The following HARS1 variants were observed in gnomAD, a reference collection of about 807,000 sequenced individuals.
The protein encoded by HARS1 is histidyl-tRNA synthetase 1.
Under a neutral mutation model 63.6 loss-of-function variants are expected in HARS1, and 45 were observed. The ratio of observed to expected loss-of-function variants is 0.71; its 90% CI spans 0.56 to 0.91. HARS1 has a LOEUF of 0.91. Among genes scored for constraint, HARS1 ranks in the 40% least tolerant of loss-of-function variants. The pLI, the probability that HARS1 is intolerant of heterozygous loss-of-function variation, is 0.00. For synonymous variants in HARS1, 205 were observed against 247.1 expected, an observed-to-expected ratio of 0.83 and a Z score of 1.60; for missense variants, 508 against 643.2, an observed-to-expected ratio of 0.79 and a Z score of 2.27.
At position 140,679,177 on chromosome 5, in the gene HARS1, T is replaced by C. The variant is rs1337937073; in HGVS notation, c.397-50A>G. 1.9e-6 allele frequency: 3 copies of C among 1,598,960 alleles called. No individual in the cohort carries two copies. Among genetic ancestry groups the C allele is most frequent in the Non-Finnish European group, 8.6e-7 (1 of 1,168,800 alleles). ...AGCCCCTCCTATCACTGTCTGCAAG[T>C]TGATTATCATCACCAACAGAAGCTG... On this transcript the variant is annotated intron_variant, in intron 4 of 12. Transcript: ENST00000504156. The surrounding 1 kb of genome is among the most constrained non-coding windows in gnomAD (Gnocchi z 4.3).
At position 140,677,085 on chromosome 5, in the gene HARS1, C is replaced by A; in HGVS notation, c.855G>T (p.Gln285His). ...GCTTGTTTTGGGATAGTTTAGGATC[C>A]TGGAGCAGCTGTTCCACCAGGGATA... ...GGVSLVEQLL[Q>H]DPKLSQNKQA... Residue 285 changes from glutamine to histidine, a missense_variant, in exon 9 of 13, where the codon CAG becomes CAT. By Grantham distance (24) the Gln-to-His change is conservative. This residue lies in a region of HARS1 where 403 missense variants were observed against 548.7 expected (regional missense o/e 0.73). Coordinates refer to ENST00000504156, the MANE Select transcript of HARS1 (RefSeq NM_002109.6). 6.2e-7 allele frequency: 1 copy of A among 1,614,112 alleles called. No individual in the cohort carries two copies. The highest frequency in any genetic ancestry group is 8.5e-7 in the Non-Finnish European group (1 of 1,179,978).
At chr5:140,681,523 C>G (rs2149830672) in intron 3 of HARS1, among the ~76,000 whole-genome samples, 1 of 152,224 alleles carries the variant, frequency 6.6e-6, no homozygotes, top group East Asian at 1.9e-4. Flanking sequence ...GAAAAATTAG[C>G]CAGGTGTGGT....
chr5:140,674,454 A>C, intron 12 of HARS1, 126 bp from the exon 13 acceptor site: 2 of 816,790 alleles, frequency 2.4e-6, no homozygotes, highest in South Asian at 1.5e-5. Context: ...CTAATTAAAC[A>C]CCTCAGGCTA....
At chr5:140,686,466 C>T (rs757299776) in intron 2 of HARS1, among the ~76,000 whole-genome samples, 3 of 152,100 alleles carry the variant, frequency 2.0e-5, no homozygotes, top group East Asian at 1.9e-4. Flanking sequence ...CTCAAACTCC[C>T]GACCTCAGGT....
intron 1 of HARS1, 52 bp from the exon 2 acceptor site, chr5:140,690,996 C>A: frequency 9.1e-7 from 1 of 1,097,968 alleles, no homozygotes; most frequent in East Asian, 2.3e-5. Flanking sequence ...CTCCTCCCTC[C>A]CCCGCCATTC....
rs962526639 is a variant in HARS1 at position 140,690,931 on chromosome 5, A to ACCT, written c.101_103dup (p.Glu34dup). On this transcript the variant is annotated inframe_insertion, in exon 2 of 13. Coordinates refer to ENST00000504156, the MANE Select transcript of HARS1 (RefSeq NM_002109.6). ...TGCCTTCAGTTTCAGGAGTTTCGCC[A>ACCT]CCTCCTCCTCGATCTGTGGAGGGAA... 2 of 1,600,364 alleles carry ACCT rather than the reference A, an allele frequency of 1.2e-6. No individual in the cohort carries two copies. Among genetic ancestry groups the ACCT allele is most frequent in the African/African-American group, 1.3e-5 (1 of 74,504 alleles).
At chr5:140,677,288 G>T in intron 8 of HARS1, 39 bp downstream of exon 8, 1 of 1,507,526 alleles carries the variant, frequency 6.6e-7, no homozygotes. Context: ...ACTGAGGGCA[G>T]TGGGACGGCT....
rs906500515 is a variant in HARS1, at chr5:140,683,195, G to T, written c.205C>A (p.Gln69Lys). 5 of 1,613,712 alleles carry T rather than the reference G, an allele frequency of 3.1e-6. No individual in the cohort carries two copies. In the Admixed American group the frequency reaches 5.0e-5, roughly 16 times the overall value. The change falls in exon 3 of 13, where the codon CAG becomes AAG. Residue 69 changes from glutamine to lysine, a missense_variant. By Grantham distance (53) the Gln-to-Lys change is moderately conservative. Transcript: ENST00000504156. ...AACACCTTCTCGCGAACTGCCATCT[G>T]CCGGGGACTATAGTCTCTTGTGCCC... is the stretch of plus-strand genomic sequence containing the variant. ...PKGTRDYSPRQMAVREKVFDV... is the reference protein window; with the variant it reads ...PKGTRDYSPRKMAVREKVFDV...
At position 140,682,804 on chromosome 5, in the gene HARS1, T is replaced by C. The variant is rs73791750; in HGVS notation, c.300+296A>G. On this transcript the variant is annotated intron_variant, in intron 3 of 12. Transcript: ENST00000504156. ...CATATTTATGTACGTATGGTTTGCA[T>C]GAATCTAGAAAACATTCCAAGTACA... 1,446 of 263,062 alleles carry C rather than the reference T, an allele frequency of 5.5e-3. 15 individuals carry two copies. Among genetic ancestry groups the C allele is most frequent in the African/African-American group, 0.027 (1,233 of 45,608 alleles). 16.3% of individuals were successfully genotyped at this position (263,062 alleles called of 1,614,324 possible).
Position 140,676,572 on chromosome 5 carries a change from C to A in HARS1, c.1194+82G>T. ...GTGAGATGCTCCCTGCCCAAAGCAG[C>A]ACCACTTGCTCCCTTGGAGATCAGA... is the stretch of plus-strand genomic sequence containing the variant. On this transcript the variant is annotated intron_variant, in intron 10 of 12. Transcript: ENST00000504156. This position sits in a 1 kb window ranked among gnomAD's most constrained non-coding sequence, Gnocchi z 4.1. 1 of 1,442,884 alleles carries A rather than the reference C, an allele frequency of 6.9e-7. No individual in the cohort carries two copies. The allele number at this position is 1,442,884 out of a possible 1,614,324, so 89.4% of individuals were successfully genotyped here.
intron 2 of HARS1, among the ~76,000 whole-genome samples, chr5:140,689,949 A>C (rs1477921600): frequency 6.6e-6 from 1 of 152,076 alleles, no homozygotes; most frequent in Non-Finnish European, 1.5e-5. Context: ...CCTCAAAACT[A>C]CCAAAGTTCT....
intron 3 of HARS1, 120 bp from the exon 4 acceptor site, chr5:140,680,003 T>C: frequency 1.8e-6 from 1 of 547,324 alleles, no homozygotes; most frequent in Non-Finnish European, 3.2e-6. Context: ...TTTATCCCAA[T>C]TCTTAGGTGT....
At chr5:140,675,190 G>C in intron 10 of HARS1, 57 bp from the exon 11 acceptor site, 1 of 1,126,042 alleles carries the variant, frequency 8.9e-7, no homozygotes, top group Non-Finnish European at 1.4e-6. Flanking sequence ...AGCAAACAAA[G>C]CAGGCTCTAG....
At chr5:140,682,975 G>T in intron 3 of HARS1, 125 bp downstream of exon 3, 1 of 820,284 alleles carries the variant, frequency 1.2e-6, no homozygotes, top group Non-Finnish European at 2.0e-6. Flanking sequence ...TCTTATTGGA[G>T]CAAAGACTGG....
rs148584540 is a variant in HARS1, at chr5:140,683,050, T to C, written c.300+50A>G. 442 of 1,576,774 alleles carry C rather than the reference T, an allele frequency of 2.8e-4. 2 individuals are homozygous for C. In the Middle Eastern group the frequency reaches 0.011, roughly 41 times the overall value. On this transcript the variant is annotated intron_variant, in intron 3 of 12. Transcript: ENST00000504156. Reference sequence around the variant, plus strand: ...TCTCTTGTTGTCATCTTCTTTGTTATTCAAATGCCCACTCATCTACCATGT... The same window carrying C: ...TCTCTTGTTGTCATCTTCTTTGTTACTCAAATGCCCACTCATCTACCATGT...
chr5:140,690,101 T>C (rs1005757133), intron 2 of HARS1, among the ~76,000 whole-genome samples: 1 of 152,212 alleles, frequency 6.6e-6, no homozygotes. Flanking sequence ...TCTCCCTTAT[T>C]TTTCTCAGAG....
At position 140,677,664 on chromosome 5, in the gene HARS1, C is replaced by G; in HGVS notation, c.720G>C (p.Lys240Asn). The change falls in exon 7 of 13, where the codon AAG (lysine) becomes AAC (asparagine). Residue 240 changes from lysine (K) to asparagine (N), a missense_variant. Physicochemically the swap from Lys to Asn is moderately conservative, Grantham distance 94. This residue lies in a region of HARS1 where 403 missense variants were observed against 548.7 expected (regional missense o/e 0.73). Coordinates refer to ENST00000504156, the MANE Select transcript of HARS1 (RefSeq NM_002109.6). ...GTACTTGGGTTGTTACCTTGTCCAG[C>G]TTGTCTACTGAGGAGCAGATGGTAC... Reference protein sequence around the residue: ...KFRTICSSVDKLDKVSWEEVK... With the variant: ...KFRTICSSVDNLDKVSWEEVK... 6.2e-7 allele frequency: 1 copy of G among 1,606,434 alleles called. No homozygotes were observed. The highest frequency in any genetic ancestry group is 8.5e-7 in the Non-Finnish European group (1 of 1,173,812).
intron 11 of HARS1, 61 bp from the exon 12 acceptor site, chr5:140,674,886 G>GT: frequency 6.3e-7 from 1 of 1,587,470 alleles, no homozygotes; most frequent in Admixed American, 1.7e-5. Flanking sequence ...GACAGAGGGT[G>GT]TCCAAGCTGG....
At position 140,675,121 on chromosome 5, in the gene HARS1, TCTC is replaced by T. The variant is rs748455791; in HGVS notation, c.1204_1206del (p.Glu402del). On this transcript the variant is annotated inframe_deletion, in exon 11 of 13. Transcript: ENST00000504156. ...ACCTGTGTCTCCGTGGTCCGTATCTTCTCCTCCAAAGCCTGGGGAAGGGGCAGA... is the reference window on the plus strand; with the variant it reads ...ACCTGTGTCTCCGTGGTCCGTATCTTCTCCAAAGCCTGGGGAAGGGGCAGA... 10 of 1,607,732 alleles carry T rather than the reference TCTC, an allele frequency of 6.2e-6. No individual in the cohort carries two copies. Among genetic ancestry groups the T allele is most frequent in the South Asian group, 4.4e-5 (4 of 90,968 alleles).
Sources: allele counts gnomAD v4.1 joint callset (sites outside exome capture counted in the v4.1 genomes callset), GRCh38; gene constraint gnomAD v4.1.1; regional missense constraint gnomAD v4.1.1; non-coding constraint Gnocchi (gnomAD v3.1); transcripts MANE v1.5; gene names NCBI Gene and HGNC (gene_info 2026-07-23, HGNC 2026-07-21).